HGSNAT: variants seen among roughly 807,000 people sequenced by gnomAD.
The protein encoded by HGSNAT is transmembrane protein 76.
HGSNAT carries 59 observed loss-of-function variants against 85.2 expected under a neutral mutation model. The observed-to-expected ratio is 0.69, with a 90% CI of 0.56 to 0.86. The LOEUF (loss-of-function observed/expected upper bound fraction) is 0.86. Ranked by LOEUF, HGSNAT falls within the 40% of genes least tolerant of loss-of-function variation. HGSNAT has a pLI of 0.00. For missense variants in HGSNAT, 756 were observed against 777.1 expected, an observed-to-expected ratio of 0.97 and a Z score of 0.32; for synonymous variants, 321 against 304.5, an observed-to-expected ratio of 1.05 and a Z score of -0.56.
chr8:43,184,271 A>T (rs1804232661), intron 11 of HGSNAT, among the ~76,000 whole-genome samples: 1 of 152,042 alleles, frequency 6.6e-6, no homozygotes, highest in African/African-American at 2.4e-5. Context: ...AAGTGTTCCT[A>T]TTTCTCCACA....
intron 15 of HGSNAT, chr8:43,197,268 GA>G (rs1466413622): frequency 1.7e-6 from 1 of 571,532 alleles, no homozygotes. Flanking sequence ...AATGCCTGAA[GA>G]AATGTGAGGT....
intron 11 of HGSNAT, among the ~76,000 whole-genome samples, chr8:43,186,491 CTTATCA>C (rs2130793284): frequency 6.6e-6 from 1 of 151,990 alleles, no homozygotes; most frequent in East Asian, 1.9e-4. Context: ...TGATATCACC[CTTATCA>C]TTTTTTATTG....
intron 2 of HGSNAT, among the ~76,000 whole-genome samples, chr8:43,149,376 CT>C (rs1563355608): frequency 6.6e-6 from 1 of 152,032 alleles, no homozygotes; most frequent in Non-Finnish European, 1.5e-5. Context: ...TAGACATAAA[CT>C]TTTAAATTTT....
intron 7 of HGSNAT, among the ~76,000 whole-genome samples, chr8:43,171,237 T>C (rs907775812): frequency 1.3e-4 from 20 of 152,310 alleles, no homozygotes; most frequent in African/African-American, 4.6e-4. Context: ...ATCAGCTCTT[T>C]TATTTCTACA....
intron 7 of HGSNAT, among the ~76,000 whole-genome samples, chr8:43,171,084 CT>C (rs1803611801): frequency 6.6e-6 from 1 of 152,216 alleles, no homozygotes; most frequent in African/African-American, 2.4e-5. Flanking sequence ...AGAGGGAGGG[CT>C]GATCCTGCGC....
chr8:43,172,287 TTC>T (rs1803651020), intron 7 of HGSNAT, 21 bp from the exon 8 acceptor site: 1 of 1,571,156 alleles, frequency 6.4e-7, no homozygotes, highest in Non-Finnish European at 8.8e-7. Context: ...CCTGAAAGGC[TTC>T]TCTTTGTTGG....
At chr8:43,197,380 G>A in intron 15 of HGSNAT, 1 of 536,872 alleles carries the variant, frequency 1.9e-6, no homozygotes, top group Non-Finnish European at 3.3e-6. Flanking sequence ...TTGCAAGGTT[G>A]ACTGTTTGTT....
intron 4 of HGSNAT, among the ~76,000 whole-genome samples, chr8:43,160,327 T>C (rs1803230976): frequency 1.3e-5 from 2 of 152,312 alleles, no homozygotes. Flanking sequence ...CAACCCTTAA[T>C]GAAGTAAGTG....
At chr8:43,190,057 C>CA (rs1312341937) in intron 11 of HGSNAT, among the ~76,000 whole-genome samples, 1 of 152,136 alleles carries the variant, frequency 6.6e-6, no homozygotes, top group Non-Finnish European at 1.5e-5. Context: ...CTGTAAAGTT[C>CA]AATTTTGAGG....
chr8:43,150,284 C>T (rs536246322), intron 2 of HGSNAT, among the ~76,000 whole-genome samples: 1 of 152,014 alleles, frequency 6.6e-6, no homozygotes, highest in Non-Finnish European at 1.5e-5. Context: ...AAGATGTTCT[C>T]AGTATGGTAA....
At position 43,161,515 on chromosome 8, in the gene HGSNAT, A is replaced by G. The variant is rs2130722155; in HGVS notation, c.563+8A>G. 2 of 1,596,410 alleles carry G rather than the reference A, an allele frequency of 1.3e-6. No individual in the cohort carries two copies. Among genetic ancestry groups the G allele is most frequent in the Non-Finnish European group, 1.7e-6 (2 of 1,171,614 alleles). On this transcript the variant is annotated splice_region_variant and intron_variant, in intron 5 of 17. Transcript: ENST00000379644. ...TCTGAGGCTCTTGTTGAGGTAAGAT[A>G]TTTGGGGAGGACGCCACTGGAAAGG...
At chr8:43,192,074 G>A (rs1433181362) in intron 12 of HGSNAT, among the ~76,000 whole-genome samples, 7 of 152,064 alleles carry the variant, frequency 4.6e-5, no homozygotes, top group South Asian at 2.1e-4. Flanking sequence ...GATTACAGGC[G>A]CACACCACCA....
chr8:43,190,285 G>A (rs908902292), intron 11 of HGSNAT, among the ~76,000 whole-genome samples: 13 of 152,148 alleles, frequency 8.5e-5, no homozygotes, highest in Non-Finnish European at 1.3e-4. Flanking sequence ...TCTTCCATTT[G>A]GGGTCCTATT....
chr8:43,191,687 T>A, intron 12 of HGSNAT, 92 bp downstream of exon 12: 1 of 1,455,292 alleles, frequency 6.9e-7, no homozygotes. Flanking sequence ...TCAGAGGAAT[T>A]CTCTTTCCCT....
intron 6 of HGSNAT, 114 bp from the exon 7 acceptor site, chr8:43,170,471 C>A: frequency 1.0e-6 from 1 of 968,938 alleles, no homozygotes; most frequent in Non-Finnish European, 1.6e-6. Context: ...CAGAGCGAGA[C>A]TCTGTCTCAA....
At position 43,149,425 on chromosome 8, in the gene HGSNAT, G is replaced by A. The variant is rs539842588; in HGVS notation, c.234+2362G>A. Among the ~76,000 whole-genome samples, 28 of 152,118 alleles carry A rather than the reference G, an allele frequency of 1.8e-4. No homozygotes were observed. In the South Asian group the frequency reaches 2.7e-3, roughly 15 times the overall value. ...TAATTTTTAAAATTTTAGGCCGGGC[G>A]CGGTGGCTCACGCCTATAATCCCAG... On this transcript the variant is annotated intron_variant, in intron 2 of 17. Coordinates refer to ENST00000379644, the MANE Select transcript of HGSNAT (RefSeq NM_152419.3).
intron 1 of HGSNAT, among the ~76,000 whole-genome samples, chr8:43,141,210 G>A (rs1423552825): frequency 1.3e-5 from 2 of 152,168 alleles, no homozygotes. Context: ...GGCGGTGGGG[G>A]CGCGGCCTGC....
intron 1 of HGSNAT, among the ~76,000 whole-genome samples, chr8:43,141,065 C>T (rs1231228612): frequency 1.3e-5 from 2 of 152,222 alleles, no homozygotes; most frequent in South Asian, 2.1e-4. Flanking sequence ...GAGGGCCTCG[C>T]CCCCGAGGAC....
At chr8:43,188,093 A>G (rs1054818970) in intron 11 of HGSNAT, among the ~76,000 whole-genome samples, 4 of 151,894 alleles carry the variant, frequency 2.6e-5, no homozygotes, top group African/African-American at 9.7e-5. Context: ...CTTCATTTCA[A>G]CTTTGGTGAA....
Sources: allele counts gnomAD v4.1 joint callset (sites outside exome capture counted in the v4.1 genomes callset), GRCh38; gene constraint gnomAD v4.1.1; transcripts MANE v1.5; gene names NCBI Gene and HGNC (gene_info 2026-07-23, HGNC 2026-07-21).